Variants in RNF157 observed in about 807,000 individuals in gnomAD.
RNF157 encodes the protein E3 ubiquitin ligase RNF157.
RNF157 carries 55 observed loss-of-function variants against 88.3 expected under a neutral mutation model. That is an observed-to-expected ratio of 0.62 (90% confidence interval 0.50 to 0.78). RNF157 has a LOEUF of 0.78. Among genes scored for constraint, RNF157 ranks in the 30% least tolerant of loss-of-function variants. The pLI, the probability that RNF157 is intolerant of heterozygous loss-of-function variation, is 0.00. For missense variants in RNF157, 788 were observed against 860.8 expected (o/e 0.92, Z 1.06); for synonymous variants, 334 against 341.2 (o/e 0.98, Z 0.23).
chr17:76,208,792 T>C (rs182396516), intron 2 of RNF157, among the ~76,000 whole-genome samples: 1 of 151,978 alleles, frequency 6.6e-6, no homozygotes, highest in African/African-American at 2.4e-5. Flanking sequence ...TCCAACATGG[T>C]GAAACCCCAT....
chr17:76,232,343 G>A (rs954763383), intron 1 of RNF157, among the ~76,000 whole-genome samples: 3 of 151,678 alleles, frequency 2.0e-5, no homozygotes, highest in Admixed American at 6.6e-5. Context: ...AGCTATGATC[G>A]CACCACTGCA....
chr17:76,193,434 A>G (rs2069419124), intron 2 of RNF157, among the ~76,000 whole-genome samples: 1 of 152,212 alleles, frequency 6.6e-6, no homozygotes, highest in Admixed American at 6.5e-5. Context: ...AAGCACTTGA[A>G]GTAAATACAG....
At position 76,240,013 on chromosome 17, in the gene RNF157, C is replaced by G. The variant is rs2070351382; in HGVS notation, c.88+140G>C. On this transcript the variant is annotated intron_variant, in intron 1 of 18. Transcript: ENST00000269391. The surrounding 1 kb of genome is among the most constrained non-coding windows in gnomAD (Gnocchi z 4.4). ...GAGACCTCGGCCTTCTCGAAGACCTCCCGCGCTCGAAGACCGTTTCGGAGC... is the reference window on the plus strand; with the variant it reads ...GAGACCTCGGCCTTCTCGAAGACCTGCCGCGCTCGAAGACCGTTTCGGAGC... 2.8e-6 allele frequency: 1 copy of G among 351,258 alleles called. No individual in the cohort carries two copies. The highest frequency in any genetic ancestry group is 7.1e-4 in the Middle Eastern group (1 of 1,410). 21.8% of individuals were successfully genotyped at this position (351,258 alleles called of 1,614,324 possible). A position where few individuals can be genotyped will look rare whatever the true frequency, so the allele number is the denominator to read the frequency against.
chr17:76,240,347 C>CA lies in RNF157; in HGVS notation c.-108_-107insT. ...CGGTGCGGGGGCCGACTGCCCGCCG[C>CA]GGCCGGCTCCGCTGCGGCGCTGCGG... On this transcript the variant is annotated 5_prime_UTR_variant, in exon 1 of 19. An upstream open reading frame in the 5' UTR loses its in-frame stop. Transcript: ENST00000269391. The surrounding 1 kb of genome is among the most constrained non-coding windows in gnomAD (Gnocchi z 4.4). 2.9e-6 allele frequency: 1 copy of CA among 339,846 alleles called. No individual in the cohort carries two copies. The highest frequency in any genetic ancestry group is 4.1e-6 in the Non-Finnish European group (1 of 242,992). The allele number at this position is 339,846 out of a possible 1,614,324, so 21.1% of individuals were successfully genotyped here.
At chr17:76,179,331 C>T (rs569410974) in intron 2 of RNF157, among the ~76,000 whole-genome samples, 1 of 152,078 alleles carries the variant, frequency 6.6e-6, no homozygotes, top group South Asian at 2.1e-4. Flanking sequence ...GAGATTGAGG[C>T]TGCAGTGAGC....
chr17:76,206,274 C>T (rs1388463931), intron 2 of RNF157, among the ~76,000 whole-genome samples: 1 of 152,054 alleles, frequency 6.6e-6, no homozygotes, highest in East Asian at 1.9e-4. Context: ...CATTACTTGA[C>T]TAATTTCTAA....
At position 76,145,160 on chromosome 17, in the gene RNF157, G is replaced by A; in HGVS notation, c.*75C>T. On this transcript the variant is annotated 3_prime_UTR_variant, in exon 19 of 19. Transcript: ENST00000269391. ...AAGTCTCCAGCATCTTGCTGAGGAT[G>A]CCCAGTAGGCAGCAGCTGAGTGAGG... 1 of 948,460 alleles carries A rather than the reference G, an allele frequency of 1.1e-6. No homozygotes were observed. The highest frequency in any genetic ancestry group is 2.2e-5 in the Admixed American group (1 of 46,338). 58.8% of individuals were successfully genotyped at this position (948,460 alleles called of 1,614,324 possible). A position where few individuals can be genotyped will look rare whatever the true frequency, so the allele number is the denominator to read the frequency against.
chr17:76,228,840 C>T (rs1400209121), intron 1 of RNF157, among the ~76,000 whole-genome samples: 1 of 151,980 alleles, frequency 6.6e-6, no homozygotes, highest in Non-Finnish European at 1.5e-5. Flanking sequence ...CGGAGAATCA[C>T]CTGAACCTGG....
In RNF157 at chr17:76,212,287, C is replaced by A. The variant is rs114349071; in HGVS notation, c.207+77G>T. ...AAGCTACAAACTGCTGAACAAGCAA[C>A]TGCAAACTTATTTTTGTTACATTTT... On this transcript the variant is annotated intron_variant, in intron 2 of 18. Coordinates refer to ENST00000269391, the MANE Select transcript of RNF157 (RefSeq NM_052916.3). 1,360 of 1,042,396 alleles carry A rather than the reference C, an allele frequency of 1.3e-3. 11 individuals carry two copies. The African/African-American group carries it at 0.018, about 13-fold the overall frequency. 64.6% of individuals were successfully genotyped at this position (1,042,396 alleles called of 1,614,324 possible).
Position 76,162,549 on chromosome 17 carries a change from T to C in RNF157, c.792+3A>G, listed in dbSNP as rs2068860449. 3 of 1,611,142 alleles carry C rather than the reference T, an allele frequency of 1.9e-6. No individual in the cohort carries two copies. Among genetic ancestry groups the C allele is most frequent in the Non-Finnish European group, 2.5e-6 (3 of 1,177,966 alleles). Reference sequence around the variant, plus strand: ...TACATTCAGAATTTTGGGTAAAACTTACCTTAGAATCTTGTGTGTTGTACT... The same window carrying C: ...TACATTCAGAATTTTGGGTAAAACTCACCTTAGAATCTTGTGTGTTGTACT... On this transcript the variant is annotated splice_donor_region_variant and intron_variant, in intron 9 of 18. Transcript: ENST00000269391.
intron 8 of RNF157, chr17:76,163,949 C>T (rs2068883824): frequency 1.3e-5 from 2 of 152,212 alleles, no homozygotes; most frequent in Non-Finnish European, 2.9e-5. Context: ...TTATTATTGA[C>T]CTCATTAAAA....
intron 2 of RNF157, chr17:76,175,936 A>G (rs995297418): frequency 5.4e-5 from 16 of 298,376 alleles, no homozygotes; most frequent in African/African-American, 3.4e-4. Flanking sequence ...GCTCTTAAGG[A>G]AAGGTATCAA....
In RNF157 at chr17:76,240,157, C is replaced by A. The variant is rs748724103; in HGVS notation, c.84G>T (p.Lys28Asn). 1.2e-5 allele frequency: 16 copies of A among 1,359,696 alleles called. No homozygotes were observed. Among genetic ancestry groups the A allele is most frequent in the Non-Finnish European group, 1.5e-5 (16 of 1,043,514 alleles). The allele number at this position is 1,359,696 out of a possible 1,614,324, so 84.2% of individuals were successfully genotyped here. The change falls in exon 1 of 19, where the codon AAG (lysine) becomes AAT (asparagine). Residue 28 changes from lysine (K) to asparagine (N), a missense_variant. Coordinates refer to ENST00000269391, the MANE Select transcript of RNF157 (RefSeq NM_052916.3). The surrounding 1 kb of genome is among the most constrained non-coding windows in gnomAD (Gnocchi z 4.4). Reference sequence around the variant, plus strand: ...GCGGCGCCCGCCCGCCCTCACCGGACTTGGGCGGGTAGCGGTACACGGAAT... The same window carrying A: ...GCGGCGCCCGCCCGCCCTCACCGGAATTGGGCGGGTAGCGGTACACGGAAT... Reference protein sequence around the residue: ...PSNSVYRYPPKSGSYFASHFI... With the variant: ...PSNSVYRYPPNSGSYFASHFI...
At chr17:76,152,119 C>T (rs1394252913) in intron 18 of RNF157, among the ~76,000 whole-genome samples, 2 of 152,178 alleles carry the variant, frequency 1.3e-5, no homozygotes, top group Non-Finnish European at 2.9e-5. Context: ...TTAAGTTTTG[C>T]TTCTTTCTTC....
chr17:76,192,597 T>C (rs898563345), intron 2 of RNF157, among the ~76,000 whole-genome samples: 5 of 152,190 alleles, frequency 3.3e-5, no homozygotes, highest in Admixed American at 6.5e-5. Context: ...CCCCGCAGAC[T>C]AAATGGCAGA....
chr17:76,187,725 C>T (rs2069317828), intron 2 of RNF157, among the ~76,000 whole-genome samples: 1 of 152,100 alleles, frequency 6.6e-6, no homozygotes, highest in Admixed American at 6.6e-5. Context: ...TCTCGAGTAG[C>T]TGGGATTACA....
intron 1 of RNF157, among the ~76,000 whole-genome samples, chr17:76,213,247 C>T (rs2145028966): frequency 6.6e-6 from 1 of 152,206 alleles, no homozygotes; most frequent in African/African-American, 2.4e-5. Context: ...ATCTTCAACC[C>T]TATTTCCTGG....
In RNF157 at chr17:76,165,517, C is replaced by T. The variant is rs1447493456; in HGVS notation, c.657G>A (p.Leu219=). The part of the protein sequence containing the change: ...DEYFGHCHVL[L]GTFEKHTDGT... ...AGTCACTCACCTTCTCAAAAGTACC[C>T]AGCAGTACATGGCAATGGCCAAAAT... Residue 219 remains leucine, a synonymous_variant, in exon 7 of 19, where the codon CTG becomes CTA. Coordinates refer to ENST00000269391, the MANE Select transcript of RNF157 (RefSeq NM_052916.3). 2.5e-6 allele frequency: 4 copies of T among 1,614,186 alleles called. No individual in the cohort carries two copies. Among genetic ancestry groups the T allele is most frequent in the Non-Finnish European group, 3.4e-6 (4 of 1,180,012 alleles).
chr17:76,173,810 GGA>G lies in RNF157; in HGVS notation c.208-22_208-21del, dbSNP rs2069059092. The G allele has an allele frequency of 6.9e-7, 1 of 1,459,546 alleles. No individual in the cohort carries two copies. The highest frequency in any genetic ancestry group is 1.6e-5 in the African/African-American group (1 of 63,936). 90.4% of individuals were successfully genotyped at this position (1,459,546 alleles called of 1,614,324 possible). A position where few individuals can be genotyped will look rare whatever the true frequency, so the allele number is the denominator to read the frequency against. ...AGGAAACTGTGTCAGAAACAAAGCA[GGA>G]GAAGGTGGTGTGTTTAAAAAGACCC... On this transcript the variant is annotated intron_variant, in intron 2 of 18. Transcript: ENST00000269391.
Sources: gnomAD v4.1 joint callset for allele counts (sites outside exome capture counted in the v4.1 genomes callset) on GRCh38, gnomAD v4.1.1 for gene constraint, Gnocchi (gnomAD v3.1) non-coding constraint, MANE v1.5 for transcripts, NCBI Gene and HGNC (gene_info 2026-07-23, HGNC 2026-07-21) for gene names.